The following ANTXR2 variants were observed in gnomAD, a reference collection of about 807,000 sequenced individuals.
The protein encoded by ANTXR2 is ANTXR cell adhesion molecule 2.
In ANTXR2, 44 loss-of-function variants were observed where a neutral mutation model predicts 73.7. That is an observed-to-expected ratio of 0.60 (90% CI 0.47 to 0.77). ANTXR2 has a LOEUF of 0.77. ANTXR2 is among the 30% of genes least tolerant of loss of function. The pLI is 0.00. For missense variants in ANTXR2, 604 were observed against 592.5 expected (o/e 1.02, Z -0.20); for synonymous variants, 217 against 205.9 (o/e 1.05, Z -0.46).
rs1732067691 is a variant in ANTXR2, at chr4:80,019,786, G to T, written c.867-810C>A. 2.0e-5 allele frequency among the ~76,000 whole-genome samples: 3 copies of T among 152,132 alleles called. 1 individual carries two copies. In the South Asian group the frequency reaches 6.2e-4, roughly 32 times the overall value. On this transcript the variant is annotated intron_variant, in intron 10 of 16. Coordinates refer to ENST00000403729, the MANE Select transcript of ANTXR2 (RefSeq NM_058172.6). ...AAGATATTAAAATATCCCGACAAAG[G>T]TACAAAGAAGAGATAATAATTTTTG...
rs774824954 is a variant in ANTXR2 at position 80,031,629 on chromosome 4, G to A, written c.860C>T (p.Ala287Val). ...MLCPAPILNKAGETLDVSVSF... is the reference protein window; with the variant it reads ...MLCPAPILNKVGETLDVSVSF... ...TTTTAAATTAAGTACTTACTCTCCA[G>A]CTTTATTCAGGATAGGTGCAGGACA... The change falls in exon 10 of 17, where the codon GCT (alanine) becomes GTT (valine). Residue 287 changes from alanine to valine, a missense_variant. Coordinates refer to ENST00000403729, the MANE Select transcript of ANTXR2 (RefSeq NM_058172.6). 6.6e-7 allele frequency: 1 copy of A among 1,514,224 alleles called. No individual in the cohort carries two copies. The highest frequency in any genetic ancestry group is 1.4e-5 in the South Asian group (1 of 72,020). 93.8% of individuals were successfully genotyped at this position (1,514,224 alleles called of 1,614,324 possible).
intron 7 of ANTXR2, among the ~76,000 whole-genome samples, chr4:80,049,649 C>T (rs1459951559): frequency 1.3e-5 from 2 of 151,640 alleles, no homozygotes; most frequent in South Asian, 2.1e-4. Context: ...CCATTTTGTA[C>T]AATAACCCTC....
Position 80,071,848 on chromosome 4 carries a change from C to CA in ANTXR2, c.153-195dup, listed in dbSNP as rs573569541. Among the ~76,000 whole-genome samples the CA allele has an allele frequency of 3.1e-3, 444 of 142,836 alleles. 2 individuals are homozygous for CA. The highest frequency in any genetic ancestry group is 9.1e-3 in the African/African-American group (356 of 38,978). 93.7% of individuals were successfully genotyped at this position (142,836 alleles called of 152,430 possible). Reference sequence around the variant, plus strand: ...AGTCAGTCCCAGAGCAAGACTCCGTCAAAAAAAAAAAGAAGAAGAAGAAGT... The same window carrying CA: ...AGTCAGTCCCAGAGCAAGACTCCGTCAAAAAAAAAAAAGAAGAAGAAGAAGT... On this transcript the variant is annotated intron_variant, in intron 1 of 16. Transcript: ENST00000403729.
intron 16 of ANTXR2, among the ~76,000 whole-genome samples, chr4:79,908,259 A>G (rs1461343277): frequency 6.6e-6 from 1 of 152,220 alleles, no homozygotes; most frequent in African/African-American, 2.4e-5. Context: ...GCCAAAAGCT[A>G]GCATAGTGCT....
intron 1 of ANTXR2, 78 bp downstream of exon 1, chr4:80,072,331 A>C: frequency 1.5e-5 from 22 of 1,430,384 alleles, no homozygotes; most frequent in Non-Finnish European, 1.9e-5. Context: ...CGGGGTGCGC[A>C]CACGCATCTC....
intron 16 of ANTXR2, among the ~76,000 whole-genome samples, chr4:79,937,608 T>G (rs962595825): frequency 1.3e-5 from 2 of 152,096 alleles, no homozygotes; most frequent in Non-Finnish European, 2.9e-5. Flanking sequence ...AATAAATAAA[T>G]CATAAAATGT....
intron 16 of ANTXR2, among the ~76,000 whole-genome samples, chr4:79,913,154 G>A (rs1416653940): frequency 6.6e-6 from 1 of 152,078 alleles, no homozygotes; most frequent in Admixed American, 6.6e-5. Context: ...TTCCAGCTAT[G>A]CCAAAGCTTT....
intron 12 of ANTXR2, among the ~76,000 whole-genome samples, chr4:79,990,753 C>T (rs780610504): frequency 2.0e-5 from 3 of 151,822 alleles, no homozygotes; most frequent in Non-Finnish European, 4.4e-5. Context: ...CTAGAGTACA[C>T]CAAAGCAGCA....
chr4:79,936,239 G>T (rs1728251823), intron 16 of ANTXR2, among the ~76,000 whole-genome samples: 1 of 152,110 alleles, frequency 6.6e-6, no homozygotes, highest in South Asian at 2.1e-4. Flanking sequence ...ATAATTAGTT[G>T]CATTCTTATT....
chr4:79,978,016 G>A lies in ANTXR2; in HGVS notation c.1338C>T (p.Thr446=). ...AAATCTGGACACATACCTTAATTGG[G>A]GTGTACCATTTTGTCTGAGGAGGCT... ...THQPPQTKWY[T]PIKGRLDALW... The change falls in exon 15 of 17, where the codon ACC becomes ACT. Residue 446 remains threonine (T), a synonymous_variant. Coordinates refer to ENST00000403729, the MANE Select transcript of ANTXR2 (RefSeq NM_058172.6). 1 of 1,596,350 alleles carries A rather than the reference G, an allele frequency of 6.3e-7. No individual in the cohort carries two copies. The highest frequency in any genetic ancestry group is 8.5e-7 in the Non-Finnish European group (1 of 1,173,928).
chr4:80,018,077 GATCAAA>G (rs1318798009), intron 11 of ANTXR2, among the ~76,000 whole-genome samples: 1 of 152,088 alleles, frequency 6.6e-6, no homozygotes, highest in Non-Finnish European at 1.5e-5. Context: ...CGAATTAGTA[GATCAAA>G]ATCAAAATAT....
chr4:79,930,476 G>C (rs1279959889), intron 16 of ANTXR2, among the ~76,000 whole-genome samples: 1 of 152,180 alleles, frequency 6.6e-6, no homozygotes, highest in Non-Finnish European at 1.5e-5. Context: ...TTCCTAAAAT[G>C]TGTTGTCTGC....
chr4:80,050,312 A>C (rs1733716074), intron 7 of ANTXR2, among the ~76,000 whole-genome samples: 1 of 151,612 alleles, frequency 6.6e-6, no homozygotes, highest in South Asian at 2.1e-4. Flanking sequence ...GTGCTACACT[A>C]TCTAAAAATC....
At chr4:79,967,206 C>T in intron 16 of ANTXR2, among the ~76,000 whole-genome samples, 1 of 63,240 alleles carries the variant, frequency 1.6e-5, no homozygotes, top group Admixed American at 2.2e-4. Flanking sequence ...TTGCGCTTTT[C>T]AGACCGGCTT....
intron 12 of ANTXR2, among the ~76,000 whole-genome samples, chr4:80,002,244 G>A (rs991570816): frequency 6.6e-6 from 1 of 152,058 alleles, no homozygotes; most frequent in African/African-American, 2.4e-5. Context: ...AGAGCCCTCA[G>A]AAATAATGCC....
chr4:79,962,202 A>AC (rs1189032990), intron 16 of ANTXR2, among the ~76,000 whole-genome samples: 2 of 152,174 alleles, frequency 1.3e-5, no homozygotes, highest in Non-Finnish European at 2.9e-5. Flanking sequence ...GAAACAGTTC[A>AC]TGATATACAC....
chr4:79,915,862 C>CTCTCTCTCTATA (rs377006532), intron 16 of ANTXR2, among the ~76,000 whole-genome samples: 1 of 123,878 alleles, frequency 8.1e-6, no homozygotes, highest in African/African-American at 3.0e-5. Context: ...CTCTCTCTCT[C>CTCTCTCTCTATA]TATATATATA....
At chr4:80,024,229 T>C (rs1732309469) in intron 10 of ANTXR2, among the ~76,000 whole-genome samples, 1 of 152,166 alleles carries the variant, frequency 6.6e-6, no homozygotes, top group Non-Finnish European at 1.5e-5. Context: ...CAGTCTTGCA[T>C]AGGGAACACA....
intron 7 of ANTXR2, among the ~76,000 whole-genome samples, chr4:80,045,579 GTTTT>G (rs137994910): frequency 1.3e-3 from 192 of 142,448 alleles, no homozygotes; most frequent in South Asian, 2.2e-3. Context: ...AAAAAGCAAG[GTTTT>G]TTTTTTTTTT....
Sources: gnomAD v4.1 joint callset for allele counts (sites outside exome capture counted in the v4.1 genomes callset) on GRCh38, gnomAD v4.1.1 for gene constraint, MANE v1.5 for transcripts, NCBI Gene and HGNC (gene_info 2026-07-23, HGNC 2026-07-21) for gene names.